The following CFAP77 variants were observed in gnomAD, a reference collection of about 807,000 sequenced individuals.
The protein encoded by CFAP77 is cilia and flagella associated protein 77, also known as cilia- and flagella-associated protein 77.
A neutral mutation model predicts 31.1 loss-of-function variants in CFAP77; 25 were observed. That is an observed-to-expected ratio of 0.80 (90% confidence interval 0.59 to 1.12). The LOEUF is 1.12. Among genes scored for constraint, CFAP77 ranks in the 50% most tolerant of loss-of-function variants. The pLI is 0.00. For missense variants in CFAP77, 377 were observed against 397.3 expected, an observed-to-expected ratio of 0.95 and a Z score of 0.44; for synonymous variants, 151 against 159.9, an observed-to-expected ratio of 0.94 and a Z score of 0.42.
intron 1 of CFAP77, among the ~76,000 whole-genome samples, chr9:132,474,021 C>G (rs1377726861): frequency 2.0e-5 from 3 of 152,170 alleles, no homozygotes; most frequent in Non-Finnish European, 4.4e-5. Flanking sequence ...CCACTGATCA[C>G]ATTGCGTCCT....
chr9:132,485,243 G>A (rs930213988), intron 1 of CFAP77, among the ~76,000 whole-genome samples: 7 of 152,156 alleles, frequency 4.6e-5, no homozygotes, highest in African/African-American at 1.7e-4. Context: ...TTTTTATTAA[G>A]AAGCTTCCAG....
At position 132,490,580 on chromosome 9, in the gene CFAP77, C is replaced by T. The variant is rs1181531175; in HGVS notation, c.196-8115C>T. Among the ~76,000 whole-genome samples the T allele has an allele frequency of 2.0e-5, 3 of 152,290 alleles. No individual in the cohort carries two copies. Among genetic ancestry groups the T allele is most frequent in the South Asian group, 2.1e-4 (1 of 4,826 alleles). ...GCTGGGGAGGGAGGCCAAGGGTCAGCGCTGGGCACTCCCACCTCTGGCTCC... is the reference window on the plus strand; with the variant it reads ...GCTGGGGAGGGAGGCCAAGGGTCAGTGCTGGGCACTCCCACCTCTGGCTCC... On this transcript the variant is annotated intron_variant, in intron 1 of 5. Transcript: ENST00000393216. This position sits in a 1 kb window ranked among gnomAD's most constrained non-coding sequence, Gnocchi z 4.6.
chr9:132,542,804 G>C, intron 4 of CFAP77, 142 bp from the exon 5 acceptor site: 1 of 566,506 alleles, frequency 1.8e-6, no homozygotes, highest in Non-Finnish European at 3.3e-6. Context: ...AACAGCCTTG[G>C]AGAAGGGCTG....
rs915409225 is a variant in CFAP77 at position 132,479,903 on chromosome 9, C to T, written c.196-18792C>T. Among the ~76,000 whole-genome samples the T allele has an allele frequency of 7.4e-4, 112 of 152,140 alleles. 3 individuals carry two copies. Among genetic ancestry groups the T allele is most frequent in the Non-Finnish European group, 2.2e-4 (15 of 68,018 alleles). ...AGGGTGAGGTCCTTGGCCAAAGTGA[C>T]GCGGCTATCAAGCAGGAGAGTGGCA... On this transcript the variant is annotated intron_variant, in intron 1 of 5. Coordinates refer to ENST00000393216, the MANE Select transcript of CFAP77 (RefSeq NM_001282957.2).
intron 1 of CFAP77, among the ~76,000 whole-genome samples, chr9:132,449,285 T>C: frequency 1.3e-5 from 1 of 78,360 alleles, no homozygotes; most frequent in African/African-American, 5.2e-5. Context: ...CCTCCTCTCC[T>C]ACTCCTGGCT....
rs145888282 is a variant in CFAP77, at chr9:132,460,204, C to G, written c.196-38491C>G. On this transcript the variant is annotated intron_variant, in intron 1 of 5. Coordinates refer to ENST00000393216, the MANE Select transcript of CFAP77 (RefSeq NM_001282957.2). ...CCTTTGCTCTTGCTCCAGCCCTTCC[C>G]CAGTTCCCGGGCAGTTCAGCGGTCA... is the stretch of plus-strand genomic sequence containing the variant. 9.1e-4 allele frequency among the ~76,000 whole-genome samples: 139 copies of G among 152,292 alleles called. 1 individual carries two copies. Among genetic ancestry groups the G allele is most frequent in the African/African-American group, 3.2e-3 (135 of 41,558 alleles).
At chr9:132,425,208 G>C (rs149899795) in intron 1 of CFAP77, among the ~76,000 whole-genome samples, 1 of 152,220 alleles carries the variant, frequency 6.6e-6, no homozygotes, top group East Asian at 1.9e-4. Context: ...CGTCGCCCCC[G>C]TCAATACTCA....
intron 3 of CFAP77, among the ~76,000 whole-genome samples, chr9:132,536,619 CCT>C (rs952124373): frequency 2.6e-5 from 4 of 152,152 alleles, no homozygotes; most frequent in Non-Finnish European, 4.4e-5. Context: ...GTGGCAAACT[CCT>C]GACCTCAGGT....
At chr9:132,535,755 T>TAAA (rs1316943118) in intron 3 of CFAP77, among the ~76,000 whole-genome samples, 1 of 151,494 alleles carries the variant, frequency 6.6e-6, no homozygotes, top group African/African-American at 2.4e-5. Context: ...ATAAAGTCAC[T>TAAA]TGAAATCATC....
intron 3 of CFAP77, among the ~76,000 whole-genome samples, chr9:132,536,376 T>C (rs766243661): frequency 5.9e-5 from 9 of 151,376 alleles, no homozygotes; most frequent in East Asian, 3.9e-4. Flanking sequence ...CTGCTGCAGA[T>C]TGTGGCTCAT....
At chr9:132,525,254 A>G (rs1255477223) in intron 3 of CFAP77, among the ~76,000 whole-genome samples, 2 of 151,556 alleles carry the variant, frequency 1.3e-5, no homozygotes, top group Non-Finnish European at 2.9e-5. Context: ...TCCTGACATC[A>G]AGTGATCCAC....
intron 1 of CFAP77, among the ~76,000 whole-genome samples, chr9:132,445,610 G>A (rs961064263): frequency 2.6e-5 from 4 of 152,148 alleles, no homozygotes; most frequent in African/African-American, 9.7e-5. Flanking sequence ...GCTCACGCCT[G>A]TAATCCCAGC....
chr9:132,465,128 C>T (rs1371316263), intron 1 of CFAP77, among the ~76,000 whole-genome samples: 1 of 150,426 alleles, frequency 6.6e-6, no homozygotes, highest in Non-Finnish European at 1.5e-5. Context: ...AAAGAAAATG[C>T]TGGCTTGACA....
rs922747183 is a variant in CFAP77, at chr9:132,495,922, T to A, written c.196-2773T>A. The stretch of plus-strand genomic sequence containing the variant: ...CACCAAGACACTGGGTCTGTTGGTG[T>A]CTAGATCTTGGACTTCCCAGCCTCC... On this transcript the variant is annotated intron_variant, in intron 1 of 5. Coordinates refer to ENST00000393216, the MANE Select transcript of CFAP77 (RefSeq NM_001282957.2). The surrounding 1 kb of genome is among the most constrained non-coding windows in gnomAD (Gnocchi z 4.2). 6.6e-6 allele frequency among the ~76,000 whole-genome samples: 1 copy of A among 152,180 alleles called. No homozygotes were observed. The highest frequency in any genetic ancestry group is 2.4e-5 in the African/African-American group (1 of 41,438).
At position 132,410,423 on chromosome 9, in the gene CFAP77, G is replaced by T. The variant is rs753151532; in HGVS notation, c.152G>T (p.Gly51Val). ...TCCGGCATGGAGAACGAGCGGCTGG[G>T]GGTCGTGCGGGACTCCATGTTTCAG... Reference protein sequence around the residue: ...IRSGMENERLGVVRDSMFQNP... With the variant: ...IRSGMENERLVVVRDSMFQNP... The change falls in exon 1 of 6, where the codon GGG (glycine) becomes GTG (valine). Residue 51 changes from glycine (G) to valine (V), a missense_variant. Transcript: ENST00000393216. 2 of 1,599,308 alleles carry T rather than the reference G, an allele frequency of 1.3e-6. No individual in the cohort carries two copies. Among genetic ancestry groups the T allele is most frequent in the African/African-American group, 2.8e-5 (2 of 72,406 alleles).
intron 3 of CFAP77, among the ~76,000 whole-genome samples, chr9:132,526,474 C>T (rs779816439): frequency 2.0e-5 from 3 of 151,904 alleles, no homozygotes; most frequent in Non-Finnish European, 4.4e-5. Flanking sequence ...CTTCGTGATC[C>T]GTCCGCCTCG....
intron 1 of CFAP77, among the ~76,000 whole-genome samples, chr9:132,448,979 T>C (rs1341221050): frequency 6.6e-6 from 1 of 152,156 alleles, no homozygotes; most frequent in Non-Finnish European, 1.5e-5. Flanking sequence ...TAGGCACCTA[T>C]GACGTGGAGA....
rs1343784727 is a variant in CFAP77 at position 132,498,033 on chromosome 9, T to G, written c.196-662T>G. On this transcript the variant is annotated intron_variant, in intron 1 of 5. Coordinates refer to ENST00000393216, the MANE Select transcript of CFAP77 (RefSeq NM_001282957.2). The surrounding 1 kb of genome is among the most constrained non-coding windows in gnomAD (Gnocchi z 4.2). ...AGTTTCTATAGCTATAAATGGGTGG[T>G]GGCGGCAGGGTGGGGGCGGCTAATG... Among the ~76,000 whole-genome samples the G allele has an allele frequency of 2.0e-5, 3 of 152,016 alleles. No homozygotes were observed. The highest frequency in any genetic ancestry group is 2.9e-5 in the Non-Finnish European group (2 of 67,996).
chr9:132,496,926 T>C (rs1248871927), intron 1 of CFAP77, among the ~76,000 whole-genome samples: 1 of 152,054 alleles, frequency 6.6e-6, no homozygotes, highest in Non-Finnish European at 1.5e-5. Flanking sequence ...GGGTGGCAAG[T>C]TCTAAGCCCC....
Sources: gnomAD v4.1 joint callset for allele counts (sites outside exome capture counted in the v4.1 genomes callset) on GRCh38, gnomAD v4.1.1 for gene constraint, Gnocchi (gnomAD v3.1) non-coding constraint, MANE v1.5 for transcripts, NCBI Gene and HGNC (gene_info 2026-07-23, HGNC 2026-07-21) for gene names.